ATP8B4: variants seen among roughly 807,000 people sequenced by gnomAD.
The protein encoded by ATP8B4 is probable phospholipid-transporting ATPase IM.
ATP8B4 carries 133 observed loss-of-function variants against 145.6 expected under a neutral mutation model. The ratio of observed to expected loss-of-function variants is 0.91; its 90% CI spans 0.79 to 1.05. The LOEUF (loss-of-function observed/expected upper bound fraction) is 1.05. ATP8B4 is among the 50% of genes least tolerant of loss of function. ATP8B4 has a pLI of 0.00. For synonymous variants in ATP8B4, 507 were observed against 492.9 expected, an observed-to-expected ratio of 1.03 and a Z score of -0.38; for missense variants, 1,458 against 1,425.2, an observed-to-expected ratio of 1.02 and a Z score of -0.37.
At chr15:50,070,810 G>A (rs150447400) in intron 3 of ATP8B4, among the ~76,000 whole-genome samples, 1 of 152,174 alleles carries the variant, frequency 6.6e-6, no homozygotes, top group East Asian at 1.9e-4. Context: ...GCACAATCTT[G>A]GCTCACTGCA....
chr15:49,986,549 G>A (rs1039790136), intron 10 of ATP8B4, among the ~76,000 whole-genome samples: 3 of 152,176 alleles, frequency 2.0e-5, no homozygotes, highest in South Asian at 2.1e-4. Flanking sequence ...TTGGGAGAAC[G>A]TTTCTAGGTT....
intron 6 of ATP8B4, among the ~76,000 whole-genome samples, chr15:50,012,429 C>T (rs2048782613): frequency 6.6e-6 from 1 of 152,132 alleles, no homozygotes; most frequent in Non-Finnish European, 1.5e-5. Flanking sequence ...CTTATTCTTC[C>T]AACTTGTATA....
rs1026894875 is a variant in ATP8B4 at position 49,866,796 on chromosome 15, T to C, written c.3028-312A>G. Among the ~76,000 whole-genome samples, 12 of 152,366 alleles carry C rather than the reference T, an allele frequency of 7.9e-5. No homozygotes were observed. The East Asian group carries it at 2.3e-3, about 29-fold the overall frequency. On this transcript the variant is annotated intron_variant, in intron 25 of 27. Coordinates refer to ENST00000284509, the MANE Select transcript of ATP8B4 (RefSeq NM_024837.4). ...GTGAGAAATATGAAAGCACAAGGGCTTATAATTTTTAAGTTACTTTACAAA... is the reference window on the plus strand; with the variant it reads ...GTGAGAAATATGAAAGCACAAGGGCCTATAATTTTTAAGTTACTTTACAAA...
intron 14 of ATP8B4, among the ~76,000 whole-genome samples, chr15:49,946,505 A>G (rs1599335064): frequency 6.6e-6 from 1 of 152,116 alleles, no homozygotes; most frequent in South Asian, 2.1e-4. Flanking sequence ...GGGTTCCCCA[A>G]TTTCCTGTTG....
At chr15:49,963,788 A>C (rs550266218) in intron 13 of ATP8B4, among the ~76,000 whole-genome samples, 1 of 152,128 alleles carries the variant, frequency 6.6e-6, no homozygotes, top group South Asian at 2.1e-4. Context: ...AGAATAGCTA[A>C]AGGATGCTGG....
intron 14 of ATP8B4, among the ~76,000 whole-genome samples, chr15:49,955,646 A>G (rs2043494645): frequency 6.6e-6 from 1 of 152,210 alleles, no homozygotes; most frequent in African/African-American, 2.4e-5. Flanking sequence ...AGACAAACAG[A>G]TAAGGGAAAT....
chr15:49,976,975 C>T (rs1043424029), intron 12 of ATP8B4, among the ~76,000 whole-genome samples: 4 of 152,000 alleles, frequency 2.6e-5, no homozygotes, highest in African/African-American at 9.7e-5. Flanking sequence ...AAAGCTAATT[C>T]CTTGGGAAAA....
At chr15:50,170,801 G>A (rs1172404728) in intron 1 of ATP8B4, among the ~76,000 whole-genome samples, 1 of 152,194 alleles carries the variant, frequency 6.6e-6, no homozygotes, top group Admixed American at 6.5e-5. Context: ...ACTATCTGCT[G>A]CTTTCAGGAG....
At chr15:49,941,641 C>A (rs2042169463) in intron 14 of ATP8B4, among the ~76,000 whole-genome samples, 1 of 151,936 alleles carries the variant, frequency 6.6e-6, no homozygotes, top group Non-Finnish European at 1.5e-5. Context: ...GATATTTCTC[C>A]AAGAAATGAA....
chr15:50,070,518 C>T (rs1489553644), intron 3 of ATP8B4, among the ~76,000 whole-genome samples: 1 of 152,162 alleles, frequency 6.6e-6, no homozygotes, highest in Non-Finnish European at 1.5e-5. Flanking sequence ...TTGGGTGTTC[C>T]CAAACCAAGG....
intron 23 of ATP8B4, among the ~76,000 whole-genome samples, chr15:49,887,901 GC>G (rs1321971878): frequency 6.6e-6 from 1 of 152,178 alleles, no homozygotes; most frequent in African/African-American, 2.4e-5. Context: ...TTAAACAGCT[GC>G]AAAGGGCTTT....
At chr15:49,996,791 A>T (rs752634015) in intron 8 of ATP8B4, 32 bp from the exon 9 acceptor site, 1 of 1,564,476 alleles carries the variant, frequency 6.4e-7, no homozygotes, top group Non-Finnish European at 8.8e-7. Context: ...ATGAATTTTT[A>T]TATGGAACAG....
At chr15:49,866,534 C>A in intron 25 of ATP8B4, 50 bp from the exon 26 acceptor site, 1 of 1,593,310 alleles carries the variant, frequency 6.3e-7, no homozygotes, top group African/African-American at 1.3e-5. Context: ...ATTAAAACAG[C>A]ATCATTTTAC....
At chr15:50,011,382 C>A (rs2153571343) in intron 6 of ATP8B4, among the ~76,000 whole-genome samples, 1 of 152,234 alleles carries the variant, frequency 6.6e-6, no homozygotes, top group East Asian at 1.9e-4. Flanking sequence ...ATGTTAAACT[C>A]TGGAAAGGAC....
At chr15:50,097,806 T>C (rs1486072466) in intron 2 of ATP8B4, among the ~76,000 whole-genome samples, 1 of 152,228 alleles carries the variant, frequency 6.6e-6, no homozygotes. Context: ...GAGAAAAACC[T>C]AGAAATCAAT....
At chr15:50,038,277 G>A (rs1001893931) in intron 6 of ATP8B4, among the ~76,000 whole-genome samples, 1 of 152,002 alleles carries the variant, frequency 6.6e-6, no homozygotes, top group South Asian at 2.1e-4. Flanking sequence ...CTTCATTGAT[G>A]GATGAATATA....
intron 12 of ATP8B4, among the ~76,000 whole-genome samples, chr15:49,978,747 C>A (rs2045892915): frequency 8.1e-6 from 1 of 123,842 alleles, no homozygotes; most frequent in African/African-American, 3.2e-5. Context: ...AATACACACA[C>A]ACACACACAC....
intron 20 of ATP8B4, among the ~76,000 whole-genome samples, chr15:49,910,065 T>C (rs527354580): frequency 1.1e-4 from 16 of 151,974 alleles, no homozygotes; most frequent in South Asian, 2.1e-4. Context: ...TTTAGTGAGA[T>C]ACAAGAGAAC....
At chr15:49,928,023 T>G (rs898741953) in intron 16 of ATP8B4, among the ~76,000 whole-genome samples, 1 of 152,060 alleles carries the variant, frequency 6.6e-6, no homozygotes, top group Non-Finnish European at 1.5e-5. Flanking sequence ...ATACCATGAG[T>G]AGGATATTCA....
Sources: gnomAD v4.1 joint callset for allele counts (sites outside exome capture counted in the v4.1 genomes callset) on GRCh38, gnomAD v4.1.1 for gene constraint, MANE v1.5 for transcripts, NCBI Gene and HGNC (gene_info 2026-07-23, HGNC 2026-07-21) for gene names.